ST6GALNAC3: variants seen among roughly 807,000 people sequenced by gnomAD.
ST6GALNAC3 encodes ST6 N-acetylgalactosaminide alpha-2,6-sialyltransferase 3.
In ST6GALNAC3, 25 loss-of-function variants were observed where a neutral mutation model predicts 32.7. The observed-to-expected ratio is 0.76, with a 90% CI of 0.56 to 1.07. The LOEUF is 1.07. Ranked by LOEUF, ST6GALNAC3 falls within the 50% of genes least tolerant of loss-of-function variation. ST6GALNAC3 has a pLI of 0.00. For missense variants in ST6GALNAC3, 355 were observed against 382.4 expected, an observed-to-expected ratio of 0.93 and a Z score of 0.60; for synonymous variants, 129 against 133.1, an observed-to-expected ratio of 0.97 and a Z score of 0.21.
chr1:76,511,355 G>C (rs139236230), intron 3 of ST6GALNAC3, among the ~76,000 whole-genome samples: 1 of 152,114 alleles, frequency 6.6e-6, no homozygotes. Context: ...AATCCAGAAA[G>C]AGTGGATTCC....
chr1:76,117,321 G>A (rs1455400420), intron 1 of ST6GALNAC3, among the ~76,000 whole-genome samples: 1 of 152,204 alleles, frequency 6.6e-6, no homozygotes, highest in Non-Finnish European at 1.5e-5. Flanking sequence ...TCCCAAGAAT[G>A]TAAATGTGAT....
intron 1 of ST6GALNAC3, among the ~76,000 whole-genome samples, chr1:76,273,725 T>G (rs1397392655): frequency 6.6e-6 from 1 of 152,222 alleles, no homozygotes; most frequent in African/African-American, 2.4e-5. Context: ...TATGGCAACA[T>G]GCACTGAGAG....
At chr1:76,193,439 C>T (rs996673707) in intron 1 of ST6GALNAC3, among the ~76,000 whole-genome samples, 3 of 152,122 alleles carry the variant, frequency 2.0e-5, no homozygotes, top group Non-Finnish European at 2.9e-5. Context: ...CTTCTCTTAG[C>T]GTCCTTGATT....
chr1:76,379,340 C>T (rs891684273), intron 2 of ST6GALNAC3, among the ~76,000 whole-genome samples: 2 of 152,162 alleles, frequency 1.3e-5, no homozygotes, highest in African/African-American at 4.8e-5. Context: ...TAACCCCATT[C>T]ACTCTCGGCA....
downstream of ST6GALNAC3, among the ~76,000 whole-genome samples, chr1:76,635,020 A>T (rs61771672): frequency 1.2e-3 from 178 of 152,220 alleles, 1 homozygote; most frequent in Middle Eastern, 3.4e-3. Context: ...ATACTACTAT[A>T]AACAATAACA....
chr1:76,441,088 CAAAAAAAAAA>C (rs397980569), intron 3 of ST6GALNAC3, among the ~76,000 whole-genome samples: 3 of 90,264 alleles, frequency 3.3e-5, no homozygotes, highest in African/African-American at 1.1e-4. Flanking sequence ...ACTATGTCTC[CAAAAAAAAAA>C]AAAAAAAAAA....
intron 2 of ST6GALNAC3, among the ~76,000 whole-genome samples, chr1:76,315,667 G>A (rs142598172): frequency 1.3e-5 from 2 of 152,250 alleles, no homozygotes; most frequent in African/African-American, 4.8e-5. Context: ...GGCATGGTTT[G>A]AGAGTCAGTT....
intron 1 of ST6GALNAC3, among the ~76,000 whole-genome samples, chr1:76,177,424 C>A (rs1328141521): frequency 6.6e-6 from 1 of 152,002 alleles, no homozygotes; most frequent in Non-Finnish European, 1.5e-5. Flanking sequence ...ATAATTTGAA[C>A]CCTAATTAAT....
intron 3 of ST6GALNAC3, among the ~76,000 whole-genome samples, chr1:76,483,548 C>T (rs1659883171): frequency 6.6e-6 from 1 of 152,122 alleles, no homozygotes; most frequent in African/African-American, 2.4e-5. Flanking sequence ...TGTTCATATC[C>T]TTTGCCCACT....
chr1:76,455,849 C>T (rs558920794), intron 3 of ST6GALNAC3, among the ~76,000 whole-genome samples: 13 of 152,272 alleles, frequency 8.5e-5, no homozygotes, highest in South Asian at 6.2e-4. Context: ...TTACCCTTAT[C>T]TGTAGAATGT....
At chr1:76,302,802 C>T (rs915597265) in intron 1 of ST6GALNAC3, among the ~76,000 whole-genome samples, 1 of 151,800 alleles carries the variant, frequency 6.6e-6, no homozygotes, top group Admixed American at 6.6e-5. Flanking sequence ...AGGTTCTGGG[C>T]GTTTTGAACA....
rs1221597960 is a variant in ST6GALNAC3 at position 76,628,798 on chromosome 1, T to C, written c.910T>C (p.Leu304=). Residue 304 remains leucine (L), a synonymous_variant, in exon 5 of 5, where the codon TTG becomes CTG. Transcript: ENST00000328299. The part of the protein sequence containing the change: ...RIIFTHPNWT[L]S ...AATATTTACACATCCAAACTGGACATTGTCTTGATAATGGTTTTCCTGATC... is the reference window on the plus strand; with the variant it reads ...AATATTTACACATCCAAACTGGACACTGTCTTGATAATGGTTTTCCTGATC... The C allele has an allele frequency of 2.5e-6, 4 of 1,610,924 alleles. No homozygotes were observed. The highest frequency in any genetic ancestry group is 3.4e-6 in the Non-Finnish European group (4 of 1,178,418).
intron 2 of ST6GALNAC3, among the ~76,000 whole-genome samples, chr1:76,324,177 T>A (rs1045250836): frequency 3.3e-4 from 50 of 152,196 alleles, no homozygotes; most frequent in Non-Finnish European, 6.2e-4. Flanking sequence ...TTTTAAGCAA[T>A]GTATATCTGT....
chr1:76,295,136 C>G (rs1660320548), intron 1 of ST6GALNAC3, among the ~76,000 whole-genome samples: 1 of 151,064 alleles, frequency 6.6e-6, no homozygotes, highest in African/African-American at 2.4e-5. Flanking sequence ...TTTTCTTTTT[C>G]TTTTTCTCTA....
chr1:76,621,179 G>A (rs775716553), intron 3 of ST6GALNAC3, among the ~76,000 whole-genome samples: 4 of 151,568 alleles, frequency 2.6e-5, no homozygotes, highest in African/African-American at 4.8e-5. Context: ...ATGATTCTCC[G>A]GCAGAAAAAC....
intron 2 of ST6GALNAC3, among the ~76,000 whole-genome samples, chr1:76,320,921 G>A (rs1410962292): frequency 6.6e-6 from 1 of 151,046 alleles, no homozygotes; most frequent in Non-Finnish European, 1.5e-5. Context: ...CATTAAAATG[G>A]TATGTAAAAT....
At position 76,633,257 on chromosome 1, in the gene ST6GALNAC3, CCTAA is replaced by C. The variant is rs1311888305; in HGVS notation, c.*4454_*4457del. 1.3e-5 allele frequency: 2 copies of C among 152,136 alleles called. No individual in the cohort carries two copies. The highest frequency in any genetic ancestry group is 2.4e-5 in the African/African-American group (1 of 41,422). 9.4% of individuals were successfully genotyped at this position (152,136 alleles called of 1,614,324 possible). On this transcript the variant is annotated 3_prime_UTR_variant, in exon 5 of 5. Transcript: ENST00000328299. Reference sequence around the variant, plus strand: ...CAGAAGAGTAGCTGGAAAAAGAATGCCTAACTGATTTACTAAAGAGTCTATTCAT... The same window carrying C: ...CAGAAGAGTAGCTGGAAAAAGAATGCCTGATTTACTAAAGAGTCTATTCAT...
intron 3 of ST6GALNAC3, among the ~76,000 whole-genome samples, chr1:76,496,719 G>A (rs1425254945): frequency 6.6e-6 from 1 of 152,172 alleles, no homozygotes; most frequent in Admixed American, 6.6e-5. Context: ...TGTCCCAGCA[G>A]TGAAGGTTCC....
At chr1:76,425,882 C>T (rs1319846102) in intron 3 of ST6GALNAC3, among the ~76,000 whole-genome samples, 2 of 151,846 alleles carry the variant, frequency 1.3e-5, no homozygotes, top group Non-Finnish European at 2.9e-5. Flanking sequence ...TGCCCACAGC[C>T]CTGTTAAGAA....
Sources: gnomAD v4.1 joint callset for allele counts (sites outside exome capture counted in the v4.1 genomes callset) on GRCh38, gnomAD v4.1.1 for gene constraint, MANE v1.5 for transcripts, NCBI Gene and HGNC (gene_info 2026-07-23, HGNC 2026-07-21) for gene names.